Variants in BTRC observed in about 807,000 individuals in gnomAD.
BTRC encodes F-box/WD repeat-containing protein 1A.
Under a neutral mutation model 85.5 loss-of-function variants are expected in BTRC, and 42 were observed. The ratio of observed to expected loss-of-function variants is 0.49; its 90% CI spans 0.38 to 0.64. The LOEUF is 0.64. Among genes scored for constraint, BTRC ranks in the 30% least tolerant of loss-of-function variants. The pLI is 0.00. For synonymous variants in BTRC, 255 were observed against 263.3 expected, an observed-to-expected ratio of 0.97 and a Z score of 0.30; for missense variants, 594 against 743.5, an observed-to-expected ratio of 0.80 and a Z score of 2.34.
intron 3 of BTRC, among the ~76,000 whole-genome samples, chr10:101,474,930 T>G (rs1945636976): frequency 6.6e-6 from 1 of 152,236 alleles, no homozygotes; most frequent in Non-Finnish European, 1.5e-5. Context: ...ATTTCTGCCA[T>G]TACTGGAAGC....
chr10:101,359,762 A>T (rs1460677614), intron 1 of BTRC, among the ~76,000 whole-genome samples: 2 of 152,030 alleles, frequency 1.3e-5, no homozygotes, highest in Non-Finnish European at 2.9e-5. Flanking sequence ...CACCACACCC[A>T]GCTAATTTTG....
intron 1 of BTRC, among the ~76,000 whole-genome samples, chr10:101,368,481 T>TC (rs1942538340): frequency 7.2e-6 from 1 of 139,028 alleles, no homozygotes; most frequent in African/African-American, 2.7e-5. Flanking sequence ...TTTTTTTTTT[T>TC]TTTTTTTTTT....
chr10:101,436,100 A>G (rs952472542), intron 2 of BTRC, among the ~76,000 whole-genome samples: 12 of 152,100 alleles, frequency 7.9e-5, no homozygotes, highest in Non-Finnish European at 1.5e-4. Flanking sequence ...GTTTGAGGAT[A>G]TTTTTATTTT....
At position 101,477,345 on chromosome 10, in the gene BTRC, C is replaced by T. The variant is rs566580027; in HGVS notation, c.235-2023C>T. 1.3e-4 allele frequency among the ~76,000 whole-genome samples: 19 copies of T among 151,760 alleles called. No homozygotes were observed. The East Asian group carries it at 1.7e-3, about 14-fold the overall frequency. Reference sequence around the variant, plus strand: ...GCCCTCCTTCCAGATGATTCTGATGCGCACTAAAGTTTGATAAACATAATT... The same window carrying T: ...GCCCTCCTTCCAGATGATTCTGATGTGCACTAAAGTTTGATAAACATAATT... On this transcript the variant is annotated intron_variant, in intron 3 of 14. Coordinates refer to ENST00000370187, the MANE Select transcript of BTRC (RefSeq NM_033637.4).
intron 4 of BTRC, among the ~76,000 whole-genome samples, chr10:101,498,820 G>C (rs144737671): frequency 6.6e-6 from 1 of 151,934 alleles, no homozygotes; most frequent in Non-Finnish European, 1.5e-5. Flanking sequence ...GTGAAACCCC[G>C]TCTCTACTAA....
chr10:101,453,190 A>G (rs147568884), intron 2 of BTRC, among the ~76,000 whole-genome samples: 2 of 152,352 alleles, frequency 1.3e-5, no homozygotes, highest in East Asian at 1.9e-4. Context: ...TCCAATTACT[A>G]ATTTACCATT....
rs777120612 is a variant in BTRC, at chr10:101,550,689, A to G, written c.1657-10A>G. The G allele has an allele frequency of 6.2e-7, 1 of 1,601,114 alleles. No individual in the cohort carries two copies. The highest frequency in any genetic ancestry group is 8.5e-7 in the Non-Finnish European group (1 of 1,172,162). On this transcript the variant is annotated splice_polypyrimidine_tract_variant and intron_variant, in intron 13 of 14. Transcript: ENST00000370187. ...TCAAGTTCCTACCCTTTTTGTTTCT[A>G]CTTCTTTAGGAGCATTCCGGAAGAG...
chr10:101,389,120 T>G (rs796749944), intron 1 of BTRC, among the ~76,000 whole-genome samples: 12 of 18,352 alleles, frequency 6.5e-4, no homozygotes, highest in South Asian at 4.3e-3. Flanking sequence ...TTTGTGTGTG[T>G]TTTTTTTTTT....
chr10:101,521,459 T>G (rs1201078059), intron 4 of BTRC, among the ~76,000 whole-genome samples, 180 bp from the exon 5 acceptor site: 1 of 152,238 alleles, frequency 6.6e-6, no homozygotes, highest in Non-Finnish European at 1.5e-5. Flanking sequence ...TCTTCTAGTA[T>G]TATAGCTGAT....
intron 3 of BTRC, among the ~76,000 whole-genome samples, chr10:101,475,953 A>ATATATATATATATATATATATTTT (rs1265691229): frequency 2.2e-5 from 3 of 133,806 alleles, no homozygotes; most frequent in African/African-American, 5.9e-5. Flanking sequence ...ATATATATAT[A>ATATATATATATATATATATATTTT]TTCAGTAATT....
intron 2 of BTRC, among the ~76,000 whole-genome samples, chr10:101,442,514 T>C (rs1944714621): frequency 6.6e-6 from 1 of 152,098 alleles, no homozygotes; most frequent in South Asian, 2.1e-4. Context: ...AATTCTAAAT[T>C]GAAAAGGAAA....
intron 11 of BTRC, among the ~76,000 whole-genome samples, chr10:101,535,823 CTT>C (rs1459297199): frequency 6.6e-6 from 1 of 152,186 alleles, no homozygotes; most frequent in Non-Finnish European, 1.5e-5. Flanking sequence ...AGTTACCTGT[CTT>C]TGAAATTATG....
intron 6 of BTRC, 141 bp downstream of exon 6, chr10:101,526,340 A>T: frequency 1.3e-6 from 1 of 754,784 alleles, no homozygotes; most frequent in Non-Finnish European, 2.1e-6. Flanking sequence ...AATGTAACAG[A>T]GAACAAATGT....
chr10:101,438,000 A>G (rs769212841), intron 2 of BTRC, among the ~76,000 whole-genome samples: 1 of 152,222 alleles, frequency 6.6e-6, no homozygotes, highest in African/African-American at 2.4e-5. Flanking sequence ...TACCCAGAGC[A>G]TGCATGGAAT....
chr10:101,519,733 C>G (rs912424504), intron 4 of BTRC, among the ~76,000 whole-genome samples: 1 of 152,310 alleles, frequency 6.6e-6, no homozygotes, highest in Admixed American at 6.5e-5. Context: ...CAGTGGCTCA[C>G]GCCTGTGATC....
rs1564730478 is a variant in BTRC at position 101,366,945 on chromosome 10, TA to T, written c.48+12718del. On this transcript the variant is annotated intron_variant, in intron 1 of 14. Transcript: ENST00000370187. Reference sequence around the variant, plus strand: ...ATATATATTTATATATATTTATATATATTTATATATATATTTATATAAATAT... The same window carrying T: ...ATATATATTTATATATATTTATATATTTTATATATATATTTATATAAATAT... 5.4e-4 allele frequency among the ~76,000 whole-genome samples: 28 copies of T among 52,094 alleles called. 6 individuals carry two copies. The highest frequency in any genetic ancestry group is 3.7e-4 in the African/African-American group (6 of 16,008). 34.2% of individuals were successfully genotyped at this position (52,094 alleles called of 152,430 possible). A position where few individuals can be genotyped will look rare whatever the true frequency, so the allele number is the denominator to read the frequency against.
intron 14 of BTRC, among the ~76,000 whole-genome samples, chr10:101,552,731 C>T (rs1478002479): frequency 6.6e-6 from 1 of 152,178 alleles, no homozygotes; most frequent in Non-Finnish European, 1.5e-5. Flanking sequence ...ACTGCTGGTA[C>T]CCTGCAGCCA....
At chr10:101,548,967 C>A (rs372912956) in intron 13 of BTRC, among the ~76,000 whole-genome samples, 1 of 151,062 alleles carries the variant, frequency 6.6e-6, no homozygotes, top group Admixed American at 6.6e-5. Flanking sequence ...GCAGGAGAAT[C>A]GCTTGAACCC....
chr10:101,393,557 A>G (rs1235227112), intron 1 of BTRC, among the ~76,000 whole-genome samples: 1 of 152,214 alleles, frequency 6.6e-6, no homozygotes, highest in Non-Finnish European at 1.5e-5. Context: ...AGTCCTGTCA[A>G]AGTACATCAC....
Sources: allele counts gnomAD v4.1 joint callset (sites outside exome capture counted in the v4.1 genomes callset), GRCh38; gene constraint gnomAD v4.1.1; transcripts MANE v1.5; gene names NCBI Gene and HGNC (gene_info 2026-07-23, HGNC 2026-07-21).